Variants in AK3 observed in about 807,000 individuals in gnomAD.
AK3 encodes adenylate kinase 3, also known as GTP:AMP phosphotransferase AK3, mitochondrial.
Under a neutral mutation model 23.7 loss-of-function variants are expected in AK3, and 27 were observed. The ratio of observed to expected loss-of-function variants is 1.14; its 90% CI spans 0.84 to 1.57. AK3 has a LOEUF of 1.57. Among genes scored for constraint, AK3 ranks in the 40% most tolerant of loss-of-function variants. The pLI is 0.00. For synonymous variants in AK3, 159 were observed against 116.0 expected, an observed-to-expected ratio of 1.37 and a Z score of -2.38; for missense variants, 406 against 285.6, an observed-to-expected ratio of 1.42 and a Z score of -3.04.
rs966847710 is a variant in AK3, at chr9:4,710,451, C to A, written c.*2525G>T. 5.3e-5 allele frequency: 8 copies of A among 150,022 alleles called. No individual in the cohort carries two copies. The highest frequency in any genetic ancestry group is 2.0e-4 in the African/African-American group (8 of 40,880). 9.3% of individuals were successfully genotyped at this position (150,022 alleles called of 1,614,324 possible). ...AGCCAGGATGGTCTCGATCTCCTGA[C>A]CTCGTGATCCGCCCGCCTCGGCCTC... is the stretch of plus-strand genomic sequence containing the variant. On this transcript the variant is annotated 3_prime_UTR_variant, in exon 5 of 5. Coordinates refer to ENST00000381809, the MANE Select transcript of AK3 (RefSeq NM_016282.4).
At chr9:4,728,986 T>TATAC (rs1554627051) in intron 1 of AK3, among the ~76,000 whole-genome samples, 1 of 84,084 alleles carries the variant, frequency 1.2e-5, no homozygotes, top group Non-Finnish European at 3.0e-5. Flanking sequence ...TACATATATA[T>TATAC]ACACACACAC....
At chr9:4,714,937 G>T (rs1001793822) in intron 4 of AK3, among the ~76,000 whole-genome samples, 1 of 152,060 alleles carries the variant, frequency 6.6e-6, no homozygotes, top group African/African-American at 2.4e-5. Flanking sequence ...GACTGAATTC[G>T]GCCGGGTGTG....
Position 4,741,099 on chromosome 9 carries a change from G to C in AK3, c.-12C>G. On this transcript the variant is annotated 5_prime_UTR_variant, in exon 1 of 5. Transcript: ENST00000381809. ...GCGGACGCCCCCATGGCCGCAGACT[G>C]AGGCCCGCACCGCGCGGGTACCAGG... is the stretch of plus-strand genomic sequence containing the variant. 6.6e-7 allele frequency: 1 copy of C among 1,523,036 alleles called. No homozygotes were observed. The allele number at this position is 1,523,036 out of a possible 1,614,324, so 94.3% of individuals were successfully genotyped here.
Position 4,740,991 on chromosome 9 carries a change from G to A in AK3, c.97C>T (p.Leu33=). The change falls in exon 1 of 5, where the codon CTG becomes TTG. Residue 33 remains leucine (L), a synonymous_variant. Coordinates refer to ENST00000381809, the MANE Select transcript of AK3 (RefSeq NM_016282.4). ...AGGTCCCCGCTGGAGAGGTGCTTCA[G>A]CTCGAAGTGTGTAGTGATGCGCGAC... is the stretch of plus-strand genomic sequence containing the variant. The part of the protein sequence containing the change: ...VSSRITTHFE[L]KHLSSGDLLR... The A allele has an allele frequency of 6.3e-7, 1 of 1,594,240 alleles. No homozygotes were observed. The highest frequency in any genetic ancestry group is 8.5e-7 in the Non-Finnish European group (1 of 1,172,258).
chr9:4,736,695 T>C (rs1161017862), intron 1 of AK3, among the ~76,000 whole-genome samples: 2 of 152,088 alleles, frequency 1.3e-5, no homozygotes, highest in African/African-American at 4.8e-5. Flanking sequence ...TCTCCTTTTT[T>C]TTTTTGAGAC....
In AK3 at chr9:4,711,231, G is replaced by A. The variant is rs1436000754; in HGVS notation, c.*1745C>T. 1.3e-5 allele frequency: 2 copies of A among 152,676 alleles called. No individual in the cohort carries two copies. The highest frequency in any genetic ancestry group is 1.3e-4 in the Admixed American group (2 of 15,286). The allele number at this position is 152,676 out of a possible 1,614,324, so 9.5% of individuals were successfully genotyped here. On this transcript the variant is annotated 3_prime_UTR_variant, in exon 5 of 5. Transcript: ENST00000381809. ...CATCAGGCAGCAGAAAGGAAGGTGG[G>A]ATGGAGCAGGCCCTGTGAAGGACCA...
Position 4,741,038 on chromosome 9 carries a change from C to A in AK3, c.50G>T (p.Gly17Val). The A allele has an allele frequency of 1.3e-6, 2 of 1,577,246 alleles. No homozygotes were observed. Among genetic ancestry groups the A allele is most frequent in the Non-Finnish European group, 1.7e-6 (2 of 1,164,184 alleles). The change falls in exon 1 of 5, where the codon GGC becomes GTC. Residue 17 changes from glycine to valine, a missense_variant. Gly to Val is a moderately radical substitution (Grantham distance 109). Coordinates refer to ENST00000381809, the MANE Select transcript of AK3 (RefSeq NM_016282.4). ...LLRAVIMGAP[G>V]SGKGTVSSRI... ...CGACGACACGGTGCCCTTGCCCGAG[C>A]CCGGGGCCCCCATGATCACCGCTCG...
chr9:4,731,938 T>C (rs528902036), intron 1 of AK3, among the ~76,000 whole-genome samples: 92 of 152,228 alleles, frequency 6.0e-4, no homozygotes, highest in African/African-American at 2.1e-3. Context: ...ACAGTAAATC[T>C]ATTTTCTTTT....
intron 1 of AK3, among the ~76,000 whole-genome samples, chr9:4,732,955 C>T (rs1842189138): frequency 6.6e-6 from 1 of 151,972 alleles, no homozygotes; most frequent in Non-Finnish European, 1.5e-5. Context: ...AAGCATCCTC[C>T]CAGCTTAGCT....
chr9:4,718,357 A>C, intron 4 of AK3, 62 bp downstream of exon 4: 3 of 1,281,050 alleles, frequency 2.3e-6, no homozygotes, highest in Non-Finnish European at 3.4e-6. Flanking sequence ...TAGAGGAAGG[A>C]AAATCAAAAC....
chr9:4,737,199 C>A (rs1451922619), intron 1 of AK3, among the ~76,000 whole-genome samples: 1 of 149,498 alleles, frequency 6.7e-6, no homozygotes, highest in African/African-American at 2.4e-5. Context: ...CTATAATTTT[C>A]ATGAAATACA....
chr9:4,739,236 G>A (rs1842366887), intron 1 of AK3, among the ~76,000 whole-genome samples: 1 of 151,576 alleles, frequency 6.6e-6, no homozygotes, highest in South Asian at 2.1e-4. Context: ...TCTTGCTCAG[G>A]CTGGAGTGCA....
chr9:4,731,693 G>A (rs765318691), intron 1 of AK3, among the ~76,000 whole-genome samples: 19 of 152,030 alleles, frequency 1.2e-4, no homozygotes, highest in Non-Finnish European at 2.1e-4. Context: ...CATGTTCTCT[G>A]GAGATATGGT....
intron 2 of AK3, among the ~76,000 whole-genome samples, chr9:4,721,790 T>C (rs1841903893): frequency 6.6e-6 from 1 of 152,196 alleles, no homozygotes; most frequent in South Asian, 2.1e-4. Flanking sequence ...TCTTAGCACT[T>C]ATATCTGTGC....
chr9:4,729,000 T>C (rs77190504), intron 1 of AK3, among the ~76,000 whole-genome samples: 3,614 of 49,860 alleles, frequency 0.072, 192 homozygotes, highest in African/African-American at 0.14. Context: ...CACACACACA[T>C]ATATATATAT....
chr9:4,718,408 CA>C lies in AK3; in HGVS notation c.563+10del. ...ACTACGCAAGAGAAGTTCTGAAAAG[CA>C]AAAACTCACTGGTAATATTCCAGGA... On this transcript the variant is annotated intron_variant, in intron 4 of 4. Transcript: ENST00000381809. 6.2e-7 allele frequency: 1 copy of C among 1,605,486 alleles called. No individual in the cohort carries two copies. Among genetic ancestry groups the C allele is most frequent in the Non-Finnish European group, 8.5e-7 (1 of 1,174,042 alleles).
intron 1 of AK3, among the ~76,000 whole-genome samples, chr9:4,723,894 A>C (rs890668751): frequency 6.6e-6 from 1 of 152,226 alleles, no homozygotes; most frequent in Non-Finnish European, 1.5e-5. Flanking sequence ...CAGATGTCAG[A>C]TTAAAGGGTC....
chr9:4,741,922 C>T (rs1842444612), upstream of AK3: 1 of 152,434 alleles, frequency 6.6e-6, no homozygotes, highest in African/African-American at 2.4e-5. Context: ...TCTTCCCACT[C>T]CCTCTCTGTG....
chr9:4,715,890 GT>G (rs965033161), intron 4 of AK3, among the ~76,000 whole-genome samples: 2 of 152,210 alleles, frequency 1.3e-5, no homozygotes, highest in African/African-American at 4.8e-5. Flanking sequence ...AGGAGAGACT[GT>G]CCCCACTCCC....
Sources: gnomAD v4.1 joint callset for allele counts (sites outside exome capture counted in the v4.1 genomes callset) on GRCh38, gnomAD v4.1.1 for gene constraint, MANE v1.5 for transcripts, NCBI Gene and HGNC (gene_info 2026-07-23, HGNC 2026-07-21) for gene names.